Variants in IQCJ observed in about 807,000 individuals in gnomAD.
The protein encoded by IQCJ is IQ domain-containing protein J.
In IQCJ, 9 loss-of-function variants were observed where a neutral mutation model predicts 11.0. The ratio of observed to expected loss-of-function variants is 0.82; its 90% CI spans 0.49 to 1.43. The LOEUF is 1.43. Among genes scored for constraint, IQCJ ranks in the 40% most tolerant of loss-of-function variants. The pLI is 0.00. For missense variants in IQCJ, 146 were observed against 133.2 expected (o/e 1.10, Z -0.47); for synonymous variants, 55 against 51.3 (o/e 1.07, Z -0.31).
At chr3:159,235,897 T>C (rs1726553025) in intron 1 of IQCJ, among the ~76,000 whole-genome samples, 1 of 152,216 alleles carries the variant, frequency 6.6e-6, no homozygotes, top group Admixed American at 6.5e-5. Context: ...AAGTTTACAA[T>C]GTAGAAGGCA....
chr3:159,241,657 A>G (rs557148131), intron 1 of IQCJ, among the ~76,000 whole-genome samples: 1 of 152,244 alleles, frequency 6.6e-6, no homozygotes, highest in African/African-American at 2.4e-5. Context: ...CAAAATCCTA[A>G]CACTCCAGAA....
At chr3:159,128,410 C>T (rs1293055893) in intron 1 of IQCJ, among the ~76,000 whole-genome samples, 2 of 152,162 alleles carry the variant, frequency 1.3e-5, no homozygotes, top group Admixed American at 1.3e-4. Context: ...TCTTCTCATC[C>T]ATCTGGTGAT....
intron 3 of IQCJ, among the ~76,000 whole-genome samples, chr3:159,255,000 C>T (rs551246871): frequency 6.6e-6 from 1 of 152,360 alleles, no homozygotes; most frequent in East Asian, 1.9e-4. Context: ...CTTCCTCCAG[C>T]TGACCGTGGC....
intron 3 of IQCJ, among the ~76,000 whole-genome samples, chr3:159,253,207 A>G (rs772464089): frequency 1.1e-4 from 16 of 151,536 alleles, no homozygotes; most frequent in Non-Finnish European, 2.1e-4. Flanking sequence ...TCTTCTTTCT[A>G]TTTCAGCTTC....
At chr3:159,130,682 C>A (rs1309473028) in intron 1 of IQCJ, among the ~76,000 whole-genome samples, 1 of 152,106 alleles carries the variant, frequency 6.6e-6, no homozygotes, top group African/African-American at 2.4e-5. Context: ...ATTTATAGAG[C>A]ATTTCCTGTA....
At chr3:159,135,044 G>T (rs1720209048) in intron 1 of IQCJ, among the ~76,000 whole-genome samples, 1 of 152,160 alleles carries the variant, frequency 6.6e-6, no homozygotes, top group Non-Finnish European at 1.5e-5. Flanking sequence ...TAGGAAGGCT[G>T]GCCAATAGAG....
rs6803018 is a variant in IQCJ, at chr3:159,109,956, T to G, written c.9+40515T>G. Reference sequence around the variant, plus strand: ...CGTATGGAGCATCACTCCTAACTTTTGTGACATTGGAGGTTTTACTATATT... The same window carrying G: ...CGTATGGAGCATCACTCCTAACTTTGGTGACATTGGAGGTTTTACTATATT... On this transcript the variant is annotated intron_variant, in intron 1 of 3. Coordinates refer to ENST00000397832, the MANE Select transcript of IQCJ (RefSeq NM_001042706.3). 1.6e-3 allele frequency among the ~76,000 whole-genome samples: 237 copies of G among 152,318 alleles called. 2 individuals are homozygous for G. Among genetic ancestry groups the G allele is most frequent in the African/African-American group, 5.6e-3 (231 of 41,572 alleles).
intron 1 of IQCJ, among the ~76,000 whole-genome samples, chr3:159,088,500 T>C (rs1462885371): frequency 6.6e-6 from 1 of 152,180 alleles, no homozygotes; most frequent in African/African-American, 2.4e-5. Context: ...CATTGATCTG[T>C]CTAATGTTGA....
intron 2 of IQCJ, among the ~76,000 whole-genome samples, chr3:159,248,835 C>G (rs1206487357): frequency 6.6e-6 from 1 of 151,768 alleles, no homozygotes; most frequent in Non-Finnish European, 1.5e-5. Context: ...TTTATTAAAC[C>G]TGGCCATGCT....
rs9799037 is a variant in IQCJ at position 159,096,027 on chromosome 3, T to C, written c.9+26586T>C. On this transcript the variant is annotated intron_variant, in intron 1 of 3. Coordinates refer to ENST00000397832, the MANE Select transcript of IQCJ (RefSeq NM_001042706.3). ...TTCTCCGCATCCTCTCCAGCACCTG[T>C]TGTTTCCTGACTTTTTAATGATTGC... 6.8e-3 allele frequency among the ~76,000 whole-genome samples: 456 copies of C among 67,380 alleles called. 6 individuals are homozygous for C. The highest frequency in any genetic ancestry group is 0.028 in the African/African-American group (420 of 15,188). The allele number at this position is 67,380 out of a possible 152,430, so 44.2% of individuals were successfully genotyped here.
chr3:159,193,651 A>G (rs907659790), intron 1 of IQCJ, among the ~76,000 whole-genome samples: 1 of 152,224 alleles, frequency 6.6e-6, no homozygotes. Context: ...AAGAAAATCT[A>G]TACCCAAAAT....
chr3:159,207,987 C>G (rs1267343504), intron 1 of IQCJ, among the ~76,000 whole-genome samples: 1 of 152,118 alleles, frequency 6.6e-6, no homozygotes, highest in Non-Finnish European at 1.5e-5. Flanking sequence ...TGCAGAGCAT[C>G]ATTATTTTAA....
chr3:159,177,479 A>T (rs1722859040), intron 1 of IQCJ, among the ~76,000 whole-genome samples: 1 of 152,226 alleles, frequency 6.6e-6, no homozygotes, highest in Admixed American at 6.5e-5. Flanking sequence ...AACAAAGTTA[A>T]AAAGTTAGTT....
intron 1 of IQCJ, among the ~76,000 whole-genome samples, chr3:159,108,216 G>A (rs1718394518): frequency 6.6e-6 from 1 of 152,058 alleles, no homozygotes; most frequent in African/African-American, 2.4e-5. Context: ...TTGACAAATT[G>A]CAATTAAATT....
intron 1 of IQCJ, among the ~76,000 whole-genome samples, chr3:159,142,504 C>T (rs542239423): frequency 2.0e-5 from 3 of 152,028 alleles, no homozygotes; most frequent in East Asian, 1.9e-4. Context: ...GCAATGTCCA[C>T]CTCCCAGGTT....
At position 159,198,279 on chromosome 3, in the gene IQCJ, C is replaced by T. The variant is rs115225506; in HGVS notation, c.10-47564C>T. On this transcript the variant is annotated intron_variant, in intron 1 of 3. Coordinates refer to ENST00000397832, the MANE Select transcript of IQCJ (RefSeq NM_001042706.3). ...CATTTCCTTGCAGAGGCAAGTTTCT[C>T]TGATTCTGAACAAATGGAAAAGAAG... 2.3e-3 allele frequency among the ~76,000 whole-genome samples: 345 copies of T among 151,996 alleles called. 1 individual carries two copies. Among genetic ancestry groups the T allele is most frequent in the African/African-American group, 8.1e-3 (334 of 41,468 alleles).
At chr3:159,215,133 A>G (rs556176290) in intron 1 of IQCJ, among the ~76,000 whole-genome samples, 1 of 152,308 alleles carries the variant, frequency 6.6e-6, no homozygotes, top group South Asian at 2.1e-4. Flanking sequence ...GACTCAAAGA[A>G]GTGGTTATAC....
chr3:159,084,899 G>A (rs1020250818), intron 1 of IQCJ, among the ~76,000 whole-genome samples: 15 of 129,136 alleles, frequency 1.2e-4, no homozygotes, highest in Admixed American at 8.7e-5. Context: ...GTTATCAAGG[G>A]GAATGCATAA....
intron 2 of IQCJ, among the ~76,000 whole-genome samples, chr3:159,248,676 A>C (rs1472861349): frequency 6.6e-6 from 1 of 152,182 alleles, no homozygotes; most frequent in African/African-American, 2.4e-5. Context: ...GTATTTCTTA[A>C]CATCTTCCTT....
Sources: allele counts gnomAD v4.1 joint callset (sites outside exome capture counted in the v4.1 genomes callset), GRCh38; gene constraint gnomAD v4.1.1; transcripts MANE v1.5; gene names NCBI Gene and HGNC (gene_info 2026-07-23, HGNC 2026-07-21).